Variants in ZRANB3 observed in about 807,000 individuals in gnomAD.
ZRANB3 encodes the protein zinc finger RANBP2-type containing 3.
ZRANB3 carries 125 observed loss-of-function variants against 133.8 expected under a neutral mutation model. That is an observed-to-expected ratio of 0.93 (90% CI 0.81 to 1.08). The LOEUF (loss-of-function observed/expected upper bound fraction) is 1.08. Ranked by LOEUF, ZRANB3 falls within the 50% of genes least tolerant of loss-of-function variation. The pLI is 0.00. For missense variants in ZRANB3, 1,229 were observed against 1,275.5 expected (o/e 0.96, Z 0.56); for synonymous variants, 387 against 432.7 (o/e 0.89, Z 1.31).
chr2:135,527,290 T>A (rs1694203425), intron 1 of ZRANB3, among the ~76,000 whole-genome samples: 1 of 152,202 alleles, frequency 6.6e-6, no homozygotes, highest in East Asian at 1.9e-4. Flanking sequence ...CCAGGCACGG[T>A]GGCTCACACC....
At chr2:135,342,279 C>G (rs1684710400) in intron 6 of ZRANB3, among the ~76,000 whole-genome samples, 1 of 150,000 alleles carries the variant, frequency 6.7e-6, no homozygotes, top group Admixed American at 6.6e-5. Context: ...CAATAGTGAT[C>G]TGCCCACCTC....
intron 2 of ZRANB3, among the ~76,000 whole-genome samples, chr2:135,432,107 G>A (rs963466729): frequency 3.3e-5 from 5 of 152,022 alleles, no homozygotes; most frequent in Non-Finnish European, 7.4e-5. Context: ...AAAATTAGCC[G>A]GGTGTGGTGG....
At chr2:135,405,639 T>A (rs1332217345) in intron 2 of ZRANB3, among the ~76,000 whole-genome samples, 1 of 152,160 alleles carries the variant, frequency 6.6e-6, no homozygotes, top group Non-Finnish European at 1.5e-5. Flanking sequence ...CACACTGCAA[T>A]CAAACTAGAA....
At chr2:135,262,673 C>T (rs1007414824) in intron 12 of ZRANB3, among the ~76,000 whole-genome samples, 18 of 151,884 alleles carry the variant, frequency 1.2e-4, no homozygotes, top group Non-Finnish European at 1.3e-4. Flanking sequence ...CCTAGCTACT[C>T]AGCAGGCTGA....
intron 6 of ZRANB3, among the ~76,000 whole-genome samples, chr2:135,341,625 G>GTATT (rs1684668816): frequency 6.7e-6 from 1 of 149,994 alleles, no homozygotes; most frequent in Admixed American, 6.6e-5. Context: ...GGACAGAACT[G>GTATT]TATTTCTCTT....
chr2:135,269,845 C>T (rs756519626), intron 10 of ZRANB3, among the ~76,000 whole-genome samples: 95 of 152,138 alleles, frequency 6.2e-4, no homozygotes, highest in Non-Finnish European at 8.5e-4. Flanking sequence ...GAAATGTGAA[C>T]CACGCTTATG....
intron 3 of ZRANB3, among the ~76,000 whole-genome samples, chr2:135,378,892 C>G (rs1053586919): frequency 3.3e-5 from 5 of 152,196 alleles, no homozygotes; most frequent in African/African-American, 1.2e-4. Context: ...TGTTACAACC[C>G]AGAGAAGCCT....
At chr2:135,351,974 G>A (rs145416872) in intron 4 of ZRANB3, among the ~76,000 whole-genome samples, 14 of 152,190 alleles carry the variant, frequency 9.2e-5, no homozygotes, top group African/African-American at 3.4e-4. Context: ...AAAACTAGAT[G>A]CCCTAGTGGC....
At chr2:135,502,018 G>GA (rs1182810354) in intron 2 of ZRANB3, among the ~76,000 whole-genome samples, 3 of 151,902 alleles carry the variant, frequency 2.0e-5, no homozygotes, top group African/African-American at 7.2e-5. Flanking sequence ...AAAGTGCTAA[G>GA]AAAAAAATAA....
chr2:135,413,443 C>T (rs535627294), intron 2 of ZRANB3, among the ~76,000 whole-genome samples: 1 of 152,274 alleles, frequency 6.6e-6, no homozygotes, highest in African/African-American at 2.4e-5. Flanking sequence ...TTTGAAGCTA[C>T]CATCCTCTGT....
chr2:135,390,367 T>A (rs1371556053), intron 3 of ZRANB3, among the ~76,000 whole-genome samples: 1 of 152,210 alleles, frequency 6.6e-6, no homozygotes, highest in Non-Finnish European at 1.5e-5. Flanking sequence ...ACATGCCATT[T>A]AAATCTATCA....
chr2:135,498,770 T>G lies in ZRANB3; in HGVS notation c.161+5559A>C, dbSNP rs909059629. Among the ~76,000 whole-genome samples, 4 of 152,160 alleles carry G rather than the reference T, an allele frequency of 2.6e-5. No homozygotes were observed. In the South Asian group the frequency reaches 8.3e-4, roughly 31 times the overall value. ...AAAATGGCCGCTTTGGGAACATCTA[T>G]CTTTTTACGGTTGTAGATAAGGGAT... is the stretch of plus-strand genomic sequence containing the variant. On this transcript the variant is annotated intron_variant, in intron 2 of 20. Coordinates refer to ENST00000264159, the MANE Select transcript of ZRANB3 (RefSeq NM_032143.4).
At chr2:135,430,359 G>A (rs1689265979) in intron 2 of ZRANB3, among the ~76,000 whole-genome samples, 1 of 151,626 alleles carries the variant, frequency 6.6e-6, no homozygotes, top group African/African-American at 2.4e-5. Context: ...TACTAATGAG[G>A]AATTATTCCA....
intron 2 of ZRANB3, among the ~76,000 whole-genome samples, chr2:135,400,107 G>A (rs542569263): frequency 6.6e-6 from 1 of 152,170 alleles, no homozygotes; most frequent in South Asian, 2.1e-4. Context: ...GAGCGTGGAA[G>A]CGGGCTCCTA....
At chr2:135,215,062 C>T (rs1485092352) in intron 17 of ZRANB3, among the ~76,000 whole-genome samples, 3 of 151,844 alleles carry the variant, frequency 2.0e-5, no homozygotes, top group East Asian at 1.9e-4. Flanking sequence ...GGCCTGTGGG[C>T]GTGAGCCACC....
At chr2:135,254,346 G>C (rs568157069) in intron 12 of ZRANB3, among the ~76,000 whole-genome samples, 3 of 152,156 alleles carry the variant, frequency 2.0e-5, no homozygotes, top group Non-Finnish European at 4.4e-5. Context: ...GCATTAAAAT[G>C]ATTTGTTTAC....
chr2:135,493,145 ATATATATATATATATATATATATATAT>A (rs1692482376), intron 2 of ZRANB3, among the ~76,000 whole-genome samples: 7 of 75,534 alleles, frequency 9.3e-5, no homozygotes, highest in African/African-American at 1.9e-4. Flanking sequence ...ATATATATAT[ATATATATATATATATATATATATATAT>A]AAATAGAAAA....
chr2:135,464,488 A>G (rs1690899691), intron 2 of ZRANB3, among the ~76,000 whole-genome samples: 1 of 152,220 alleles, frequency 6.6e-6, no homozygotes, highest in Non-Finnish European at 1.5e-5. Flanking sequence ...AGGTGCTAAC[A>G]TTTCAAAATC....
intron 11 of ZRANB3, among the ~76,000 whole-genome samples, chr2:135,268,371 T>C (rs1193830374): frequency 6.6e-6 from 1 of 152,166 alleles, no homozygotes; most frequent in Non-Finnish European, 1.5e-5. Context: ...TTCACCATGT[T>C]GGCCAGGCTA....
Sources: allele counts gnomAD v4.1 joint callset (sites outside exome capture counted in the v4.1 genomes callset), GRCh38; gene constraint gnomAD v4.1.1; transcripts MANE v1.5; gene names NCBI Gene and HGNC (gene_info 2026-07-23, HGNC 2026-07-21).